The following ASTN2 variants were observed in gnomAD, a reference collection of about 807,000 sequenced individuals.
ASTN2 encodes the protein astrotactin-2.
Under a neutral mutation model 139.8 loss-of-function variants are expected in ASTN2, and 54 were observed. The observed-to-expected ratio is 0.39, with a 90% confidence interval of 0.31 to 0.48. The LOEUF (loss-of-function observed/expected upper bound fraction) is 0.48. Among genes scored for constraint, ASTN2 ranks in the 20% least tolerant of loss-of-function variants. The pLI is 0.95. For missense variants in ASTN2, 1,565 were observed against 1,725.1 expected, an observed-to-expected ratio of 0.91 and a Z score of 1.64; for synonymous variants, 756 against 719.5, an observed-to-expected ratio of 1.05 and a Z score of -0.81.
chr9:117,111,208 CA>C (rs1439019327), intron 4 of ASTN2, among the ~76,000 whole-genome samples: 4 of 152,142 alleles, frequency 2.6e-5, no homozygotes, highest in Non-Finnish European at 5.9e-5. Flanking sequence ...GTAAACCAGG[CA>C]AGTTTCATTC....
At chr9:116,489,990 G>A (rs1034620648) in intron 19 of ASTN2, among the ~76,000 whole-genome samples, 1 of 152,024 alleles carries the variant, frequency 6.6e-6, no homozygotes, top group Non-Finnish European at 1.5e-5. Flanking sequence ...ACTTCTCAAT[G>A]TCTCCATTTT....
chr9:117,327,166 G>A (rs1828544304), intron 1 of ASTN2, among the ~76,000 whole-genome samples: 1 of 152,136 alleles, frequency 6.6e-6, no homozygotes, highest in South Asian at 2.1e-4. Flanking sequence ...GATCTGACAG[G>A]AGATGGAGCT....
intron 17 of ASTN2, among the ~76,000 whole-genome samples, chr9:116,626,641 C>T (rs1007308412): frequency 6.6e-6 from 1 of 151,912 alleles, no homozygotes; most frequent in Non-Finnish European, 1.5e-5. Flanking sequence ...GGGGTTGATA[C>T]CTTTTTTGTC....
At chr9:117,176,285 G>C (rs142270349) in intron 3 of ASTN2, among the ~76,000 whole-genome samples, 24 of 152,128 alleles carry the variant, frequency 1.6e-4, no homozygotes, top group African/African-American at 5.8e-4. Flanking sequence ...ACAGGACACA[G>C]GACAATCTTA....
In ASTN2 at chr9:116,812,222, A is replaced by G. The variant is rs532626066; in HGVS notation, c.2208-6402T>C. 2.4e-4 allele frequency among the ~76,000 whole-genome samples: 37 copies of G among 152,320 alleles called. No individual in the cohort carries two copies. In the South Asian group the frequency reaches 3.5e-3, roughly 15 times the overall value. On this transcript the variant is annotated intron_variant, in intron 12 of 22. Coordinates refer to ENST00000313400, the MANE Select transcript of ASTN2 (RefSeq NM_001365068.1). ...GAATAATGGCCTCCTCAAAATGCCCACATCCTAATCCCGAACACCTGAGGT... is the reference window on the plus strand; with the variant it reads ...GAATAATGGCCTCCTCAAAATGCCCGCATCCTAATCCCGAACACCTGAGGT...
chr9:117,097,061 A>G (rs1828858596), intron 4 of ASTN2, among the ~76,000 whole-genome samples: 1 of 152,118 alleles, frequency 6.6e-6, no homozygotes, highest in Non-Finnish European at 1.5e-5. Context: ...AAGGAAGAAC[A>G]CTCCAGTGGT....
chr9:117,371,001 C>A (rs1295452704), intron 1 of ASTN2, among the ~76,000 whole-genome samples: 1 of 152,156 alleles, frequency 6.6e-6, no homozygotes, highest in African/African-American at 2.4e-5. Context: ...AAGACTAAAT[C>A]CAGTTGGATG....
intron 1 of ASTN2, among the ~76,000 whole-genome samples, chr9:117,392,368 T>C (rs988942201): frequency 6.6e-5 from 10 of 152,210 alleles, no homozygotes; most frequent in African/African-American, 2.4e-4. Context: ...CTTCTAATCC[T>C]TCTCTGGAAG....
chr9:116,745,804 A>G (rs370939453), intron 13 of ASTN2, among the ~76,000 whole-genome samples: 2 of 152,344 alleles, frequency 1.3e-5, no homozygotes, highest in South Asian at 2.1e-4. Flanking sequence ...TTTCTAACAC[A>G]AATATGTCAT....
At chr9:116,569,976 T>C (rs1048431524) in intron 19 of ASTN2, among the ~76,000 whole-genome samples, 1 of 152,226 alleles carries the variant, frequency 6.6e-6, no homozygotes, top group Non-Finnish European at 1.5e-5. Context: ...CTGCTTCTGT[T>C]GGCTCTTGCT....
At chr9:116,969,973 G>C (rs1269395059) in intron 10 of ASTN2, among the ~76,000 whole-genome samples, 1 of 152,152 alleles carries the variant, frequency 6.6e-6, no homozygotes, top group African/African-American at 2.4e-5. Flanking sequence ...CCTCCCTCTG[G>C]AGCCTCTGGG....
chr9:117,025,770 T>A (rs1013540562), intron 6 of ASTN2, among the ~76,000 whole-genome samples: 1 of 151,466 alleles, frequency 6.6e-6, no homozygotes, highest in Non-Finnish European at 1.5e-5. Context: ...GGTTCTAATA[T>A]TGTGGTTTTT....
intron 4 of ASTN2, among the ~76,000 whole-genome samples, chr9:117,126,789 C>G (rs1256608126): frequency 2.0e-5 from 3 of 152,220 alleles, no homozygotes; most frequent in Non-Finnish European, 4.4e-5. Flanking sequence ...GATTGATTGA[C>G]TGTCTGCTTC....
At chr9:116,636,937 G>A (rs1482317394) in intron 17 of ASTN2, among the ~76,000 whole-genome samples, 1 of 152,158 alleles carries the variant, frequency 6.6e-6, no homozygotes, top group Non-Finnish European at 1.5e-5. Flanking sequence ...GTTAAAGCAA[G>A]TGCTCTTTTG....
intron 3 of ASTN2, among the ~76,000 whole-genome samples, chr9:117,192,963 C>T (rs566641969): frequency 4.2e-4 from 64 of 152,286 alleles, no homozygotes; most frequent in Middle Eastern, 3.4e-3. Flanking sequence ...CAGCTATTAC[C>T]GTTTTATACC....
intron 5 of ASTN2, among the ~76,000 whole-genome samples, chr9:117,076,774 T>C (rs965054730): frequency 2.0e-5 from 3 of 152,214 alleles, no homozygotes; most frequent in African/African-American, 7.2e-5. Flanking sequence ...TCCAGCCCCA[T>C]CACCATGACA....
At chr9:116,960,412 C>T (rs897700059) in intron 10 of ASTN2, among the ~76,000 whole-genome samples, 3 of 151,968 alleles carry the variant, frequency 2.0e-5, no homozygotes, top group African/African-American at 7.2e-5. Flanking sequence ...CTCTTTACAA[C>T]TGGATTTCTA....
intron 13 of ASTN2, among the ~76,000 whole-genome samples, chr9:116,783,461 TC>T (rs1456841402): frequency 6.6e-6 from 1 of 152,088 alleles, no homozygotes; most frequent in African/African-American, 2.4e-5. Flanking sequence ...TAAACATGGC[TC>T]TGTCTTGGGA....
chr9:116,865,803 C>T (rs530849338), intron 10 of ASTN2, among the ~76,000 whole-genome samples: 1 of 152,312 alleles, frequency 6.6e-6, no homozygotes, highest in South Asian at 2.1e-4. Flanking sequence ...TTCCTTCTGC[C>T]TGGGATGCCC....
Sources: gnomAD v4.1 joint callset for allele counts (sites outside exome capture counted in the v4.1 genomes callset) on GRCh38, gnomAD v4.1.1 for gene constraint, MANE v1.5 for transcripts, NCBI Gene and HGNC (gene_info 2026-07-23, HGNC 2026-07-21) for gene names.